Variants in PREPL observed in about 807,000 individuals in gnomAD.
PREPL encodes the protein prolyl endopeptidase like.
Under a neutral mutation model 70.6 loss-of-function variants are expected in PREPL, and 77 were observed. The observed-to-expected ratio is 1.09, with a 90% CI of 0.91 to 1.32. The LOEUF is 1.32. PREPL is among the 40% of genes most tolerant of loss of function. PREPL has a pLI of 0.00. For missense variants in PREPL, 1,002 were observed against 778.2 expected (o/e 1.29, Z -3.42); for synonymous variants, 315 against 264.8 (o/e 1.19, Z -1.84).
chr2:44,358,573 A>C (rs1677303478), intron 1 of PREPL, among the ~76,000 whole-genome samples: 1 of 152,140 alleles, frequency 6.6e-6, no homozygotes, highest in Non-Finnish European at 1.5e-5. Flanking sequence ...TGACCATATA[A>C]TTTACCATTC....
At chr2:44,345,804 A>T (rs1675744157) in intron 2 of PREPL, among the ~76,000 whole-genome samples, 1 of 152,218 alleles carries the variant, frequency 6.6e-6, no homozygotes, top group Non-Finnish European at 1.5e-5. Flanking sequence ...ATAACAAAGT[A>T]TGAACTACTT....
At position 44,320,535 on chromosome 2, in the gene PREPL, A is replaced by G. The variant is rs751203733; in HGVS notation, c.*821T>C. ...AGAGGGACTCATCTTTGAACACAAC[A>G]CGAAGAATCTCCTTCATCGCCAAAC... On this transcript the variant is annotated 3_prime_UTR_variant, in exon 14 of 14. Transcript: ENST00000409411. 2.5e-6 allele frequency: 4 copies of G among 1,613,950 alleles called. No individual in the cohort carries two copies. Among genetic ancestry groups the G allele is most frequent in the Admixed American group, 3.3e-5 (2 of 59,996 alleles).
At chr2:44,340,922 T>C (rs1337172087) in intron 5 of PREPL, among the ~76,000 whole-genome samples, 1 of 129,892 alleles carries the variant, frequency 7.7e-6, no homozygotes, top group African/African-American at 3.1e-5. Flanking sequence ...AGTGAGACTC[T>C]GTTTCAAAAA....
At chr2:44,342,346 AC>A in intron 5 of PREPL, 70 bp downstream of exon 5, 1 of 1,388,326 alleles carries the variant, frequency 7.2e-7, no homozygotes, top group Non-Finnish European at 9.7e-7. Context: ...TTTTAAGTCA[AC>A]CAAAGTCAGT....
At chr2:44,333,125 GTTA>G (rs1674289992) in intron 7 of PREPL, among the ~76,000 whole-genome samples, 1 of 152,180 alleles carries the variant, frequency 6.6e-6, no homozygotes, top group South Asian at 2.1e-4. Context: ...AGTGATGACA[GTTA>G]TTATTTCAGG....
chr2:44,328,117 C>T (rs1424297488), intron 9 of PREPL, among the ~76,000 whole-genome samples: 2 of 151,844 alleles, frequency 1.3e-5, no homozygotes, highest in Admixed American at 6.6e-5. Context: ...GAAACCCCAT[C>T]GCTACAAAAA....
chr2:44,341,389 TA>T (rs1291817262), intron 5 of PREPL, among the ~76,000 whole-genome samples: 1 of 152,170 alleles, frequency 6.6e-6, no homozygotes, highest in African/African-American at 2.4e-5. Context: ...CAATTTGTAT[TA>T]TTTTTACTGT....
chr2:44,358,718 T>G (rs745773334), intron 1 of PREPL, among the ~76,000 whole-genome samples: 1 of 152,208 alleles, frequency 6.6e-6, no homozygotes, highest in African/African-American at 2.4e-5. Flanking sequence ...GTCCTTAAGG[T>G]TGAGTTCACG....
intron 12 of PREPL, 88 bp downstream of exon 12, chr2:44,322,643 G>A: frequency 1.4e-6 from 2 of 1,472,638 alleles, no homozygotes; most frequent in Non-Finnish European, 1.8e-6. Context: ...AGATGATTTG[G>A]CTACAGCCTG....
In PREPL at chr2:44,350,925, C is replaced by T. The variant is rs566458015; in HGVS notation, c.-48-4535G>A. On this transcript the variant is annotated intron_variant, in intron 1 of 13. Transcript: ENST00000409411. Reference sequence around the variant, plus strand: ...TTTCCTCTTACTTCACTGGCCCTTCCTTCTCAGTATCTTTAGCTAGTTCCT... The same window carrying T: ...TTTCCTCTTACTTCACTGGCCCTTCTTTCTCAGTATCTTTAGCTAGTTCCT... Among the ~76,000 whole-genome samples, 6 of 151,842 alleles carry T rather than the reference C, an allele frequency of 4.0e-5. 1 individual carries two copies. The highest frequency in any genetic ancestry group is 1.4e-4 in the African/African-American group (6 of 41,436).
intron 7 of PREPL, among the ~76,000 whole-genome samples, chr2:44,334,411 C>T (rs1242441106): frequency 2.6e-5 from 4 of 152,148 alleles, no homozygotes; most frequent in Non-Finnish European, 5.9e-5. Flanking sequence ...CAAAAAACGT[C>T]CCAACTGGCC....
chr2:44,356,074 C>T (rs751264938), intron 1 of PREPL, among the ~76,000 whole-genome samples: 1 of 152,144 alleles, frequency 6.6e-6, no homozygotes, highest in Non-Finnish European at 1.5e-5. Context: ...ATCTTGCCAT[C>T]TGGCTAATGT....
Position 44,323,491 on chromosome 2 carries a change from T to A in PREPL, c.1480-80A>T, listed in dbSNP as rs535719700. ...TCAGAAAAACATTCTATTTTATGAA[T>A]ATACATACTAATATGAGAGAAAATA... On this transcript the variant is annotated intron_variant, in intron 10 of 13. Coordinates refer to ENST00000409411, the MANE Select transcript of PREPL (RefSeq NM_001171613.2). 8.8e-5 allele frequency: 100 copies of A among 1,132,544 alleles called. No individual in the cohort carries two copies. The East Asian group carries it at 2.6e-3, about 30-fold the overall frequency. 70.2% of individuals were successfully genotyped at this position (1,132,544 alleles called of 1,614,324 possible).
chr2:44,338,281 T>C, intron 7 of PREPL, 70 bp downstream of exon 7: 2 of 1,354,680 alleles, frequency 1.5e-6, no homozygotes, highest in South Asian at 1.3e-5. Context: ...ATTCAAAATG[T>C]GATGTTCTGT....
At chr2:44,351,025 C>T (rs1180316968) in intron 1 of PREPL, among the ~76,000 whole-genome samples, 6 of 151,402 alleles carry the variant, frequency 4.0e-5, no homozygotes, top group East Asian at 1.9e-4. Context: ...TGGGTTCAAG[C>T]GATTCTCCTG....
intron 5 of PREPL, among the ~76,000 whole-genome samples, chr2:44,342,145 T>A (rs1675293072): frequency 1.3e-5 from 2 of 152,208 alleles, no homozygotes; most frequent in Non-Finnish European, 2.9e-5. Context: ...TTCTAGGTCA[T>A]CTTTATGAAT....
chr2:44,330,075 A>T (rs1293462666), intron 8 of PREPL, among the ~76,000 whole-genome samples: 2 of 151,980 alleles, frequency 1.3e-5, no homozygotes, highest in Non-Finnish European at 2.9e-5. Flanking sequence ...TAAAATACCC[A>T]AGTTGTTATG....
chr2:44,359,638 C>T (rs755073772), intron 1 of PREPL: 1 of 1,612,856 alleles, frequency 6.2e-7, no homozygotes, highest in East Asian at 2.2e-5. Flanking sequence ...GATTCAAATG[C>T]TGTTTCTGCA....
Position 44,338,516 on chromosome 2 carries a change from A to G in PREPL, c.723T>C (p.Asp241=), listed in dbSNP as rs753702774. Residue 241 remains aspartate (D), a synonymous_variant, in exon 7 of 14, where the codon GAT becomes GAC. Transcript: ENST00000409411. The part of the protein sequence containing the change: ...TEFKLMRTAA[D]TPAIMNWDLF... The stretch of plus-strand genomic sequence containing the variant: ...AATCCCAATTCATAATTGCAGGGGT[A>G]TCAGCCGCTGTTCTCATTAGCTACG... The G allele has an allele frequency of 5.6e-6, 9 of 1,610,832 alleles. No homozygotes were observed. The Admixed American group carries it at 1.5e-4, about 27-fold the overall frequency.
Sources: allele counts gnomAD v4.1 joint callset (sites outside exome capture counted in the v4.1 genomes callset), GRCh38; gene constraint gnomAD v4.1.1; transcripts MANE v1.5; gene names NCBI Gene and HGNC (gene_info 2026-07-23, HGNC 2026-07-21).